The following PLCB4 variants were observed in gnomAD, a reference collection of about 807,000 sequenced individuals.
PLCB4 encodes phospholipase C beta 4.
Under a neutral mutation model 178.8 loss-of-function variants are expected in PLCB4, and 77 were observed. The ratio of observed to expected loss-of-function variants is 0.43; its 90% CI spans 0.36 to 0.52. The LOEUF is 0.52. Ranked by LOEUF, PLCB4 falls within the 20% of genes least tolerant of loss-of-function variation. PLCB4 has a pLI of 0.00. For missense variants in PLCB4, 1,024 were observed against 1,453.4 expected, an observed-to-expected ratio of 0.70 and a Z score of 4.80; for synonymous variants, 496 against 490.8, an observed-to-expected ratio of 1.01 and a Z score of -0.14.
chr20:9,068,819 C>CTG (rs2089407231), upstream of PLCB4: 1 of 151,086 alleles, frequency 6.6e-6, no homozygotes, highest in Non-Finnish European at 1.5e-5. Flanking sequence ...GGGGGACGCG[C>CTG]AGGGCCCGGC....
rs759180836 is a variant in PLCB4, at chr20:9,468,588, G to C, written c.3266G>C (p.Arg1089Pro). 1 of 1,607,744 alleles carries C rather than the reference G, an allele frequency of 6.2e-7. No homozygotes were observed. Residue 1089 changes from arginine to proline, a missense_variant, in exon 36 of 40, where the codon CGA becomes CCA. Around this residue, in one of 7 missense-constraint regions of PLCB4, gnomAD observed 264 missense variants for 283.2 expected, o/e 0.93. Coordinates refer to ENST00000378473, the MANE Select transcript of PLCB4 (RefSeq NM_001377142.1). Reference sequence around the variant, plus strand: ...ATACATAGGGAAAGCAAGGAAATGCGAGCACACCAGGCTAAGATTTCTATG... The same window carrying C: ...ATACATAGGGAAAGCAAGGAAATGCCAGCACACCAGGCTAAGATTTCTATG... ...LSHDRESKEM[R>P]AHQAKISMEN...
At chr20:9,310,547 A>G (rs2094819857) in intron 4 of PLCB4, among the ~76,000 whole-genome samples, 1 of 149,486 alleles carries the variant, frequency 6.7e-6, no homozygotes, top group African/African-American at 2.5e-5. Flanking sequence ...CATTTCTACT[A>G]AAAATATAAA....
At chr20:9,201,360 T>A (rs1254722153) in intron 2 of PLCB4, among the ~76,000 whole-genome samples, 2 of 152,236 alleles carry the variant, frequency 1.3e-5, no homozygotes, top group African/African-American at 4.8e-5. Flanking sequence ...GTAGGATTTT[T>A]ATACTCATAA....
chr20:9,112,779 A>G (rs2091626750), intron 2 of PLCB4, among the ~76,000 whole-genome samples: 1 of 152,142 alleles, frequency 6.6e-6, no homozygotes, highest in Non-Finnish European at 1.5e-5. Flanking sequence ...CATAATGTGT[A>G]CTTTTGGCCT....
At chr20:9,422,141 T>C (rs2040688795) in intron 27 of PLCB4, among the ~76,000 whole-genome samples, 1 of 152,228 alleles carries the variant, frequency 6.6e-6, no homozygotes, top group Non-Finnish European at 1.5e-5. Flanking sequence ...TCTTACTTAC[T>C]CTGTTGTCCT....
intron 3 of PLCB4, among the ~76,000 whole-genome samples, chr20:9,275,173 G>A (rs2094440046): frequency 6.6e-6 from 1 of 151,788 alleles, no homozygotes; most frequent in East Asian, 1.9e-4. Flanking sequence ...TGGATGGGGA[G>A]GTCTCACAAT....
chr20:9,169,275 T>C lies in PLCB4; in HGVS notation c.-78-48115T>C, dbSNP rs532699586. 3.3e-5 allele frequency among the ~76,000 whole-genome samples: 5 copies of C among 152,230 alleles called. No individual in the cohort carries two copies. The South Asian group carries it at 1.0e-3, about 31-fold the overall frequency. ...TTGATTTTCATAAAAACTTTCCATG[T>C]CTCAGCTTGTGAGATATGTGTCTTG... On this transcript the variant is annotated intron_variant, in intron 2 of 39. Coordinates refer to ENST00000378473, the MANE Select transcript of PLCB4 (RefSeq NM_001377142.1).
rs190626099 is a variant in PLCB4, at chr20:9,331,577, T to C, written c.85-5549T>C. 5.3e-5 allele frequency among the ~76,000 whole-genome samples: 8 copies of C among 152,346 alleles called. No homozygotes were observed. The East Asian group carries it at 9.6e-4, about 18-fold the overall frequency. On this transcript the variant is annotated intron_variant, in intron 4 of 39. Coordinates refer to ENST00000378473, the MANE Select transcript of PLCB4 (RefSeq NM_001377142.1). ...ACTTCAATCAGAGTATTTGGCCTGC[T>C]GAACTCTCTGACATTCCTTATGAGG... is the stretch of plus-strand genomic sequence containing the variant.
At chr20:9,209,963 CAAAAAAAAAAA>C (rs58424232) in intron 2 of PLCB4, among the ~76,000 whole-genome samples, 4 of 47,938 alleles carry the variant, frequency 8.3e-5, no homozygotes, top group Non-Finnish European at 1.2e-4. Flanking sequence ...GACTCTGTCT[CAAAAAAAAAAA>C]AAAAAAAAAA....
At chr20:9,269,438 A>G (rs751529499) in intron 3 of PLCB4, among the ~76,000 whole-genome samples, 2 of 152,196 alleles carry the variant, frequency 1.3e-5, no homozygotes, top group Non-Finnish European at 2.9e-5. Context: ...CTACTGGCAT[A>G]TTAGCCTGGA....
intron 3 of PLCB4, among the ~76,000 whole-genome samples, chr20:9,228,960 C>G (rs1479022400): frequency 6.6e-6 from 1 of 152,200 alleles, no homozygotes; most frequent in Non-Finnish European, 1.5e-5. Context: ...GAACTCACCA[C>G]TAGGTCCTTG....
At chr20:9,132,928 T>A (rs2092304823) in intron 2 of PLCB4, among the ~76,000 whole-genome samples, 1 of 152,076 alleles carries the variant, frequency 6.6e-6, no homozygotes, top group Non-Finnish European at 1.5e-5. Flanking sequence ...TATTTTCTAG[T>A]GAGTAGAAGC....
chr20:9,337,303 C>G, intron 5 of PLCB4, 97 bp downstream of exon 5: 1 of 806,706 alleles, frequency 1.2e-6, no homozygotes, highest in Non-Finnish European at 2.2e-6. Context: ...GAACCCTACC[C>G]TTATTCATTC....
intron 32 of PLCB4, among the ~76,000 whole-genome samples, chr20:9,447,419 C>T (rs1472595560): frequency 6.6e-6 from 1 of 152,166 alleles, no homozygotes; most frequent in Non-Finnish European, 1.5e-5. Flanking sequence ...ATGTGGTCTC[C>T]TGTCTTCCAG....
intron 2 of PLCB4, among the ~76,000 whole-genome samples, chr20:9,136,710 T>C (rs573131063): frequency 1.3e-5 from 2 of 152,218 alleles, no homozygotes; most frequent in South Asian, 4.1e-4. Context: ...TCGATTCCAA[T>C]ATGACAAACA....
At position 9,472,854 on chromosome 20, in the gene PLCB4, A is replaced by G; in HGVS notation, c.3408+7A>G. On this transcript the variant is annotated splice_region_variant and intron_variant, in intron 37 of 39. Transcript: ENST00000378473. ...TCTGGAAGAAAGAAAGAGAGTAAGT[A>G]TTTTATTATATTTTTGGCATTCTTC... is the stretch of plus-strand genomic sequence containing the variant. 1 of 1,518,034 alleles carries G rather than the reference A, an allele frequency of 6.6e-7. No homozygotes were observed. 94.0% of individuals were successfully genotyped at this position (1,518,034 alleles called of 1,614,324 possible).
At chr20:9,295,819 T>G (rs2094627334) in intron 3 of PLCB4, among the ~76,000 whole-genome samples, 1 of 152,190 alleles carries the variant, frequency 6.6e-6, no homozygotes, top group African/African-American at 2.4e-5. Flanking sequence ...TTTTGGTTAC[T>G]GTAGCCTTGT....
intron 35 of PLCB4, among the ~76,000 whole-genome samples, chr20:9,467,333 C>T (rs1288762375): frequency 2.0e-5 from 3 of 152,198 alleles, no homozygotes; most frequent in South Asian, 2.1e-4. Context: ...ATGTAAATGA[C>T]GAGTTGATGG....
rs2044275232 is a variant in PLCB4 at position 9,472,781 on chromosome 20, T to G, written c.3351-9T>G. On this transcript the variant is annotated splice_polypyrimidine_tract_variant and intron_variant, in intron 36 of 39. Transcript: ENST00000378473. ...CATACCAACCGTTATTTGTGCCCAT[T>G]GCTTTTAGGCGAGTCAGGGAGTTAA... The G allele has an allele frequency of 6.3e-7, 1 of 1,574,850 alleles. No individual in the cohort carries two copies. Among genetic ancestry groups the G allele is most frequent in the Non-Finnish European group, 8.7e-7 (1 of 1,152,250 alleles).
Sources: allele counts gnomAD v4.1 joint callset (sites outside exome capture counted in the v4.1 genomes callset), GRCh38; gene constraint gnomAD v4.1.1; regional missense constraint gnomAD v4.1.1; transcripts MANE v1.5; gene names NCBI Gene and HGNC (gene_info 2026-07-23, HGNC 2026-07-21).